The following FTO variants were observed in gnomAD, a reference collection of about 807,000 sequenced individuals.
FTO encodes FTO alpha-ketoglutarate dependent dioxygenase, also known as alpha-ketoglutarate-dependent dioxygenase FTO.
Under a neutral mutation model 63.9 loss-of-function variants are expected in FTO, and 47 were observed. The observed-to-expected ratio is 0.74, with a 90% CI of 0.58 to 0.94. FTO has a LOEUF of 0.94. Among genes scored for constraint, FTO ranks in the 40% least tolerant of loss-of-function variants. The pLI, the probability that FTO is intolerant of heterozygous loss-of-function variation, is 0.00. For synonymous variants in FTO, 207 were observed against 224.4 expected (o/e 0.92, Z 0.69); for missense variants, 562 against 618.1 (o/e 0.91, Z 0.96).
At chr16:53,725,432 T>C (rs1410831949) in intron 1 of FTO, among the ~76,000 whole-genome samples, 1 of 152,244 alleles carries the variant, frequency 6.6e-6, no homozygotes, top group Non-Finnish European at 1.5e-5. Context: ...CCAAATAGTA[T>C]GTGAGTGTGT....
intron 7 of FTO, among the ~76,000 whole-genome samples, chr16:53,913,920 T>C (rs906362374): frequency 6.7e-6 from 1 of 149,358 alleles, no homozygotes; most frequent in African/African-American, 2.5e-5. Flanking sequence ...CGGAGGCTGC[T>C]GTGAGCCGAG....
intron 1 of FTO, among the ~76,000 whole-genome samples, chr16:53,706,652 G>C (rs2075630789): frequency 6.6e-6 from 1 of 152,136 alleles, no homozygotes; most frequent in African/African-American, 2.4e-5. Flanking sequence ...TCCTGCCTCT[G>C]CTACCCAAAG....
intron 3 of FTO, among the ~76,000 whole-genome samples, chr16:53,830,638 A>G (rs1347422645): frequency 1.3e-5 from 2 of 152,190 alleles, no homozygotes; most frequent in African/African-American, 4.8e-5. Flanking sequence ...GGAGGCTCAC[A>G]ACTGTAATCC....
intron 1 of FTO, among the ~76,000 whole-genome samples, chr16:53,721,072 G>C (rs1191201618): frequency 6.6e-6 from 1 of 152,156 alleles, no homozygotes; most frequent in African/African-American, 2.4e-5. Context: ...TTACAGGTAT[G>C]AGCCACTGCA....
chr16:53,771,763 A>G (rs1409197254), intron 1 of FTO, among the ~76,000 whole-genome samples: 1 of 152,138 alleles, frequency 6.6e-6, no homozygotes, highest in South Asian at 2.1e-4. Context: ...ATAACCATAC[A>G]ATGGAATATT....
chr16:53,817,731 A>G (rs566467587), intron 2 of FTO, among the ~76,000 whole-genome samples: 41 of 152,342 alleles, frequency 2.7e-4, no homozygotes, highest in African/African-American at 9.4e-4. Flanking sequence ...GAAAAGGTAG[A>G]ATTTTTATAT....
At chr16:54,061,033 A>G (rs1402030075) in intron 8 of FTO, among the ~76,000 whole-genome samples, 1 of 152,192 alleles carries the variant, frequency 6.6e-6, no homozygotes, top group Non-Finnish European at 1.5e-5. Flanking sequence ...TCTGCTAAAC[A>G]GACTCCCACT....
chr16:54,021,506 T>C (rs959435359), intron 8 of FTO, among the ~76,000 whole-genome samples: 2 of 151,008 alleles, frequency 1.3e-5, no homozygotes, highest in Non-Finnish European at 2.9e-5. Flanking sequence ...TTGTTTGTTT[T>C]TGAGACAGAG....
chr16:53,842,950 G>C (rs7204450), intron 3 of FTO, among the ~76,000 whole-genome samples: 71,463 of 152,080 alleles, frequency 0.47, 17,354 homozygotes, highest in Admixed American at 0.56. Context: ...GCTGGGATTA[G>C]AGGTGTGAGC....
At chr16:53,924,314 T>C (rs1442435247) in intron 7 of FTO, among the ~76,000 whole-genome samples, 8 of 152,232 alleles carry the variant, frequency 5.3e-5, no homozygotes, top group African/African-American at 1.9e-4. Flanking sequence ...CTGAATTCTT[T>C]CCTCATAGAC....
intron 1 of FTO, among the ~76,000 whole-genome samples, chr16:53,731,696 C>T (rs1025680424): frequency 1.8e-4 from 27 of 151,610 alleles, no homozygotes; most frequent in African/African-American, 5.6e-4. Flanking sequence ...TCCCGAGTAG[C>T]TGGGACTACA....
Position 53,973,780 on chromosome 16 carries a change from A to G in FTO, c.1364+39671A>G, listed in dbSNP as rs1035272866. Among the ~76,000 whole-genome samples, 83 of 152,178 alleles carry G rather than the reference A, an allele frequency of 5.5e-4. 1 individual carries two copies. The highest frequency in any genetic ancestry group is 1.3e-4 in the Admixed American group (2 of 15,274). On this transcript the variant is annotated intron_variant, in intron 8 of 8. Coordinates refer to ENST00000471389, the MANE Select transcript of FTO (RefSeq NM_001080432.3). ...CTTTGGGGCGAGTGTGAAAATGCAT[A>G]TCGTGATTGGTTGATGGTTATATGG...
At chr16:54,019,137 A>T (rs1049285093) in intron 8 of FTO, among the ~76,000 whole-genome samples, 10 of 152,198 alleles carry the variant, frequency 6.6e-5, no homozygotes, top group Admixed American at 6.5e-4. Context: ...CAACAGAGAT[A>T]GAAGGAAATC....
chr16:53,945,749 G>A (rs1395747498), intron 8 of FTO, among the ~76,000 whole-genome samples: 1 of 152,100 alleles, frequency 6.6e-6, no homozygotes, highest in African/African-American at 2.4e-5. Context: ...GGAGAGTAGG[G>A]GTGAAAATTA....
chr16:53,841,914 G>A (rs1190555329), intron 3 of FTO, among the ~76,000 whole-genome samples: 1 of 152,192 alleles, frequency 6.6e-6, no homozygotes, highest in Admixed American at 6.5e-5. Context: ...TTCTGCTCTA[G>A]TTCTGTCGTT....
intron 8 of FTO, among the ~76,000 whole-genome samples, chr16:53,977,020 A>G (rs1436536385): frequency 1.3e-5 from 2 of 152,000 alleles, no homozygotes; most frequent in Non-Finnish European, 2.9e-5. Flanking sequence ...TATTTTTTGG[A>G]ATAATGTTAA....
chr16:53,737,763 A>G (rs925300262), intron 1 of FTO, among the ~76,000 whole-genome samples: 3 of 152,014 alleles, frequency 2.0e-5, no homozygotes, highest in African/African-American at 7.3e-5. Flanking sequence ...GAGAGTATGT[A>G]CCCTTCACTC....
intron 4 of FTO, among the ~76,000 whole-genome samples, chr16:53,857,467 T>TC (rs1555486155): frequency 1.4e-3 from 210 of 151,908 alleles, no homozygotes; most frequent in South Asian, 5.0e-3. Context: ...TCTCTCTCTC[T>TC]TTCTATATAT....
intron 8 of FTO, among the ~76,000 whole-genome samples, chr16:54,101,432 G>A (rs1313528081): frequency 3.3e-5 from 5 of 152,096 alleles, no homozygotes; most frequent in South Asian, 2.1e-4. Context: ...CTCCATCCAC[G>A]TTCCCATAGA....
Sources: allele counts gnomAD v4.1 joint callset (sites outside exome capture counted in the v4.1 genomes callset), GRCh38; gene constraint gnomAD v4.1.1; transcripts MANE v1.5; gene names NCBI Gene and HGNC (gene_info 2026-07-23, HGNC 2026-07-21).